The following PTPRK variants were observed in gnomAD, a reference collection of about 807,000 sequenced individuals.
PTPRK encodes receptor-type tyrosine-protein phosphatase kappa.
A neutral mutation model predicts 178.0 loss-of-function variants in PTPRK; 75 were observed. The observed-to-expected ratio is 0.42, with a 90% CI of 0.35 to 0.51. PTPRK has a LOEUF of 0.51. PTPRK is among the 20% of genes least tolerant of loss of function. The pLI is 0.02. For synonymous variants in PTPRK, 637 were observed against 620.6 expected, an observed-to-expected ratio of 1.03 and a Z score of -0.39; for missense variants, 1,441 against 1,797.8, an observed-to-expected ratio of 0.80 and a Z score of 3.59.
intron 1 of PTPRK, among the ~76,000 whole-genome samples, chr6:128,462,951 G>A (rs1236063422): frequency 2.6e-5 from 4 of 152,002 alleles, no homozygotes; most frequent in Admixed American, 1.3e-4. Flanking sequence ...GAGCCACCGT[G>A]CCCAGTCAAA....
intron 2 of PTPRK, among the ~76,000 whole-genome samples, chr6:128,345,740 T>C (rs1039418047): frequency 4.6e-5 from 7 of 152,214 alleles, no homozygotes; most frequent in Non-Finnish European, 4.4e-5. Context: ...ACAAGGAGAA[T>C]ATATACTACA....
intron 2 of PTPRK, among the ~76,000 whole-genome samples, chr6:128,378,900 G>GA (rs1157656353): frequency 1.3e-5 from 2 of 152,008 alleles, no homozygotes; most frequent in African/African-American, 4.8e-5. Flanking sequence ...AAGTAAGATT[G>GA]AAAATAACAG....
chr6:128,363,546 TA>T (rs368471162), intron 2 of PTPRK, among the ~76,000 whole-genome samples: 1 of 152,282 alleles, frequency 6.6e-6, no homozygotes, highest in East Asian at 1.9e-4. Flanking sequence ...AACTACTTGA[TA>T]AAACAGTACC....
At chr6:128,269,280 G>A (rs140384627) in intron 3 of PTPRK, among the ~76,000 whole-genome samples, 2 of 152,082 alleles carry the variant, frequency 1.3e-5, no homozygotes, top group African/African-American at 4.8e-5. Flanking sequence ...GAAAGCATCT[G>A]TAATATGTCA....
intron 2 of PTPRK, among the ~76,000 whole-genome samples, chr6:128,331,086 C>T (rs1277348008): frequency 1.3e-5 from 2 of 152,104 alleles, no homozygotes; most frequent in African/African-American, 4.8e-5. Flanking sequence ...TCCTTTATAG[C>T]ACTTTCCACT....
chr6:128,345,363 T>C (rs1305168919), intron 2 of PTPRK, among the ~76,000 whole-genome samples: 1 of 152,150 alleles, frequency 6.6e-6, no homozygotes, highest in African/African-American at 2.4e-5. Context: ...GAGAGTGGCA[T>C]AATGTAAGTA....
At chr6:128,248,716 T>A (rs1452741823) in intron 3 of PTPRK, among the ~76,000 whole-genome samples, 12 of 152,098 alleles carry the variant, frequency 7.9e-5, no homozygotes, top group African/African-American at 2.9e-4. Context: ...AAGAACACAG[T>A]GAAAGCACAG....
At chr6:128,451,799 G>C (rs552059093) in intron 1 of PTPRK, among the ~76,000 whole-genome samples, 1 of 152,076 alleles carries the variant, frequency 6.6e-6, no homozygotes, top group Non-Finnish European at 1.5e-5. Flanking sequence ...ATTTTAGACT[G>C]TCAGTAACAA....
intron 1 of PTPRK, among the ~76,000 whole-genome samples, chr6:128,466,428 A>G (rs1849849604): frequency 6.6e-6 from 1 of 152,254 alleles, no homozygotes; most frequent in South Asian, 2.1e-4. Flanking sequence ...TTCTTAATCT[A>G]GAAAATAAAG....
chr6:128,165,126 C>A (rs1374599504), intron 7 of PTPRK, among the ~76,000 whole-genome samples: 1 of 150,444 alleles, frequency 6.6e-6, no homozygotes, highest in Non-Finnish European at 1.5e-5. Flanking sequence ...TTTGGCCTAC[C>A]GCATTAAAAA....
chr6:128,359,625 G>A (rs920970513), intron 2 of PTPRK, among the ~76,000 whole-genome samples: 10 of 151,888 alleles, frequency 6.6e-5, no homozygotes, highest in African/African-American at 9.7e-5. Flanking sequence ...GGTGGCAAGC[G>A]CCTGTAATCC....
intron 16 of PTPRK, 72 bp downstream of exon 16, chr6:127,998,648 G>T: frequency 7.5e-7 from 1 of 1,327,256 alleles, no homozygotes; most frequent in Non-Finnish European, 1.0e-6. Context: ...TAAAGAGAGG[G>T]AAAAAAATGC....
At chr6:128,180,047 G>T (rs1801670486) in intron 7 of PTPRK, among the ~76,000 whole-genome samples, 1 of 151,970 alleles carries the variant, frequency 6.6e-6, no homozygotes, top group Non-Finnish European at 1.5e-5. Flanking sequence ...TTATGTTCTG[G>T]ACACTCTGAA....
chr6:128,432,774 C>CACACACACACA (rs1845009388), intron 1 of PTPRK, among the ~76,000 whole-genome samples: 1 of 127,918 alleles, frequency 7.8e-6, no homozygotes, highest in Admixed American at 7.2e-5. Flanking sequence ...ACACACACAC[C>CACACACACACA]CTAACTCAAT....
intron 10 of PTPRK, among the ~76,000 whole-genome samples, chr6:128,079,363 G>A (rs1784401706): frequency 6.6e-6 from 1 of 151,912 alleles, no homozygotes; most frequent in African/African-American, 2.4e-5. Flanking sequence ...ATCTTATAGT[G>A]TAGAAAGACA....
intron 29 of PTPRK, 93 bp from the exon 30 acceptor site, chr6:127,970,373 G>T: frequency 1.1e-6 from 1 of 929,356 alleles, no homozygotes. Context: ...AACCAATTTA[G>T]ATTACTCAAG....
chr6:128,377,587 G>A (rs1837283036), intron 2 of PTPRK, among the ~76,000 whole-genome samples: 1 of 151,822 alleles, frequency 6.6e-6, no homozygotes, highest in Non-Finnish European at 1.5e-5. Flanking sequence ...TAGACAACTG[G>A]AACTGCCTAA....
At chr6:128,261,366 A>G (rs1484652172) in intron 3 of PTPRK, among the ~76,000 whole-genome samples, 1 of 152,164 alleles carries the variant, frequency 6.6e-6, no homozygotes, top group Non-Finnish European at 1.5e-5. Context: ...AAAACAGCAA[A>G]TTTTCCAAAC....
At chr6:128,242,711 A>G in intron 3 of PTPRK, 109 bp from the exon 4 acceptor site, 1 of 1,426,176 alleles carries the variant, frequency 7.0e-7, no homozygotes, top group Non-Finnish European at 9.2e-7. Flanking sequence ...TTGTTCAGTA[A>G]GAATTAAAAA....
Sources: allele counts gnomAD v4.1 joint callset (sites outside exome capture counted in the v4.1 genomes callset), GRCh38; gene constraint gnomAD v4.1.1; transcripts MANE v1.5; gene names NCBI Gene and HGNC (gene_info 2026-07-23, HGNC 2026-07-21).